ARID1B: variants seen among roughly 807,000 people sequenced by gnomAD.
The protein encoded by ARID1B is AT-rich interaction domain 1B, also known as AT-rich interactive domain-containing protein 1B.
Under a neutral mutation model 212.3 loss-of-function variants are expected in ARID1B, and 30 were observed. The ratio of observed to expected loss-of-function variants is 0.14; its 90% confidence interval spans 0.11 to 0.19. The LOEUF (loss-of-function observed/expected upper bound fraction) is 0.19. Among genes scored for constraint, ARID1B ranks in the 10% least tolerant of loss-of-function variants. ARID1B has a pLI of 1.00. For synonymous variants in ARID1B, 1,402 were observed against 1,301.7 expected, an observed-to-expected ratio of 1.08 and a Z score of -1.66; for missense variants, 2,891 against 3,204.0, an observed-to-expected ratio of 0.90 and a Z score of 2.36.
At position 157,181,082 on chromosome 6, in the gene ARID1B, A is replaced by G. The variant is rs2128317272; in HGVS notation, c.3618A>G (p.Arg1206=). Reference sequence around the variant, plus strand: ...GATACCTCACCTTCATGGAAGAGAGAGGCTCTCCTGTCTCAAGTCTGCCTG... The same window carrying G: ...GATACCTCACCTTCATGGAAGAGAGGGGCTCTCCTGTCTCAAGTCTGCCTG... ...VDRYLTFMEE[R]GSPVSSLPAV... Residue 1206 remains arginine, a synonymous_variant, in exon 12 of 20, where the codon AGA becomes AGG. Transcript: ENST00000636930. 1 of 1,614,116 alleles carries G rather than the reference A, an allele frequency of 6.2e-7. No individual in the cohort carries two copies. The highest frequency in any genetic ancestry group is 8.5e-7 in the Non-Finnish European group (1 of 1,180,018).
intron 4 of ARID1B, among the ~76,000 whole-genome samples, chr6:157,033,627 A>G (rs969858268): frequency 1.3e-5 from 2 of 152,106 alleles, no homozygotes; most frequent in Non-Finnish European, 2.9e-5. Context: ...TTTTTGGTGG[A>G]GGTGGGCCGT....
At chr6:157,144,814 C>G (rs1789609556) in intron 7 of ARID1B, among the ~76,000 whole-genome samples, 1 of 152,150 alleles carries the variant, frequency 6.6e-6, no homozygotes, top group South Asian at 2.1e-4. Context: ...ATGGGAGATT[C>G]AGAAGCAACT....
chr6:156,889,321 T>C (rs927065546), intron 2 of ARID1B, among the ~76,000 whole-genome samples: 2 of 152,248 alleles, frequency 1.3e-5, no homozygotes, highest in African/African-American at 4.8e-5. Context: ...CTGTAGACTT[T>C]ATAGATCTGT....
intron 2 of ARID1B, among the ~76,000 whole-genome samples, chr6:156,868,206 T>C (rs1472885934): frequency 6.6e-6 from 1 of 152,250 alleles, no homozygotes; most frequent in Non-Finnish European, 1.5e-5. Flanking sequence ...GTGTGAATTA[T>C]AAAAGAAGCT....
chr6:157,060,995 C>T (rs905439290), intron 4 of ARID1B, among the ~76,000 whole-genome samples: 3 of 152,038 alleles, frequency 2.0e-5, no homozygotes, highest in Non-Finnish European at 4.4e-5. Flanking sequence ...CTGCCCACTC[C>T]CCACCCCACA....
At position 156,788,142 on chromosome 6, in the gene ARID1B, C is replaced by CA. The variant is rs571068319; in HGVS notation, c.1791+8676dup. Among the ~76,000 whole-genome samples, 8 of 152,196 alleles carry CA rather than the reference C, an allele frequency of 5.3e-5. No individual in the cohort carries two copies. In the East Asian group the frequency reaches 1.2e-3, roughly 22 times the overall value. On this transcript the variant is annotated intron_variant, in intron 1 of 19. Transcript: ENST00000636930. ...GGTGATGCTCAGCCCCTCCCAGCTCCAAAAATCTGTGCTGCTTTGAATTTT... is the reference window on the plus strand; with the variant it reads ...GGTGATGCTCAGCCCCTCCCAGCTCCAAAAAATCTGTGCTGCTTTGAATTTT...
intron 16 of ARID1B, among the ~76,000 whole-genome samples, chr6:157,197,917 A>G (rs538680217): frequency 5.3e-4 from 80 of 152,366 alleles, no homozygotes; most frequent in Admixed American, 2.2e-3. Context: ...GTAGTTATCA[A>G]AAGTTCCCGT....
At chr6:156,987,572 C>T (rs1036106262) in intron 4 of ARID1B, among the ~76,000 whole-genome samples, 1 of 152,112 alleles carries the variant, frequency 6.6e-6, no homozygotes, top group Non-Finnish European at 1.5e-5. Context: ...CCTTGTGATC[C>T]GCCCGCCTCG....
At chr6:157,013,174 C>T (rs917234367) in intron 4 of ARID1B, among the ~76,000 whole-genome samples, 1 of 152,256 alleles carries the variant, frequency 6.6e-6, no homozygotes, top group Non-Finnish European at 1.5e-5. Flanking sequence ...CCACGGCGCC[C>T]TGCCGGCATG....
At chr6:157,117,120 G>C (rs916915482) in intron 6 of ARID1B, among the ~76,000 whole-genome samples, 4 of 152,136 alleles carry the variant, frequency 2.6e-5, no homozygotes, top group African/African-American at 4.8e-5. Flanking sequence ...AATACAGACA[G>C]TGCCATTACC....
rs1554287197 is a variant in ARID1B, at chr6:157,039,670, C to CTTCCTTCTTTCTTTCT, written c.2248-44985_2248-44984insTTTCTTTCTTTCCTTC. Among the ~76,000 whole-genome samples the CTTCCTTCTTTCTTTCT allele has an allele frequency of 1.1e-4, 6 of 55,268 alleles. 1 individual carries two copies. Among genetic ancestry groups the CTTCCTTCTTTCTTTCT allele is most frequent in the African/African-American group, 5.6e-4 (5 of 8,858 alleles). The allele number at this position is 55,268 out of a possible 152,430, so 36.3% of individuals were successfully genotyped here. A position where few individuals can be genotyped will look rare whatever the true frequency, so the allele number is the denominator to read the frequency against. On this transcript the variant is annotated intron_variant, in intron 4 of 19. Transcript: ENST00000636930. ...CTTTCCTTCCTTCCTTCCTTCCTTC[C>CTTCCTTCTTTCTTTCT]TTCCTTCCTTCCTTCCTTCCTTCCT... is the stretch of plus-strand genomic sequence containing the variant.
intron 2 of ARID1B, among the ~76,000 whole-genome samples, chr6:156,858,872 T>G (rs1785128473): frequency 6.6e-6 from 1 of 152,204 alleles, no homozygotes; most frequent in Admixed American, 6.5e-5. Context: ...TAAAAATGGT[T>G]CACCTGTGTA....
chr6:157,049,164 C>T (rs998203286), intron 4 of ARID1B, among the ~76,000 whole-genome samples: 2 of 143,072 alleles, frequency 1.4e-5, no homozygotes, highest in Admixed American at 7.1e-5. Context: ...CAGAGCAAGA[C>T]TCAGTCTGGA....
At chr6:156,824,863 ATTT>A (rs1244051858) in intron 1 of ARID1B, among the ~76,000 whole-genome samples, 3 of 145,130 alleles carry the variant, frequency 2.1e-5, no homozygotes, top group Non-Finnish European at 4.6e-5. Flanking sequence ...CTTAGATTTG[ATTT>A]TTTTTTTTTT....
chr6:157,073,031 T>C (rs1784084063), intron 4 of ARID1B, among the ~76,000 whole-genome samples: 2 of 152,140 alleles, frequency 1.3e-5, no homozygotes, highest in African/African-American at 2.4e-5. Flanking sequence ...CTTTGCCTAA[T>C]ACATAATTAT....
At position 157,121,629 on chromosome 6, in the gene ARID1B, C is replaced by CTTTTT. The variant is rs1389687982; in HGVS notation, c.2581+11082_2581+11086dup. Among the ~76,000 whole-genome samples the CTTTTT allele has an allele frequency of 3.5e-4, 39 of 112,920 alleles. 3 individuals carry two copies. Among genetic ancestry groups the CTTTTT allele is most frequent in the East Asian group, 7.1e-4 (3 of 4,204 alleles). The allele number at this position is 112,920 out of a possible 152,430, so 74.1% of individuals were successfully genotyped here. ...TTACAAATAAGAGAATCATATATAG[C>CTTTTT]TTTTTTTTTTTTTTTTTTGCTGAGA... On this transcript the variant is annotated intron_variant, in intron 6 of 19. Transcript: ENST00000636930.
chr6:156,835,927 G>A (rs1783479645), intron 2 of ARID1B, among the ~76,000 whole-genome samples: 1 of 80,054 alleles, frequency 1.2e-5, no homozygotes, highest in African/African-American at 6.4e-5. Context: ...TTTTTTTGTA[G>A]AGACGTCTCA....
chr6:156,945,257 T>C, intron 4 of ARID1B, among the ~76,000 whole-genome samples: 1 of 127,526 alleles, frequency 7.8e-6, no homozygotes, highest in South Asian at 2.8e-4. Context: ...TTTTTTTTTT[T>C]TTTTTTTTTT....
chr6:157,018,212 C>CTTGTTTTTTTTTTTT (rs1780023126), intron 4 of ARID1B, among the ~76,000 whole-genome samples: 1 of 72,432 alleles, frequency 1.4e-5, no homozygotes, highest in African/African-American at 6.5e-5. Context: ...AAGTAGTATG[C>CTTGTTTTTTTTTTTT]TTTTTTTTTT....
Sources: gnomAD v4.1 joint callset for allele counts (sites outside exome capture counted in the v4.1 genomes callset) on GRCh38, gnomAD v4.1.1 for gene constraint, MANE v1.5 for transcripts, NCBI Gene and HGNC (gene_info 2026-07-23, HGNC 2026-07-21) for gene names.